NTM: variants seen among roughly 807,000 people sequenced by gnomAD.
The protein encoded by NTM is IgLON family member 2.
NTM carries 13 observed loss-of-function variants against 42.1 expected under a neutral mutation model. The ratio of observed to expected loss-of-function variants is 0.31; its 90% CI spans 0.20 to 0.49. NTM has a LOEUF of 0.49. Ranked by LOEUF, NTM falls within the 20% of genes least tolerant of loss-of-function variation. The pLI, the probability that NTM is intolerant of heterozygous loss-of-function variation, is 0.99. For synonymous variants in NTM, 187 were observed against 179.2 expected, an observed-to-expected ratio of 1.04 and a Z score of -0.35; for missense variants, 373 against 452.8, an observed-to-expected ratio of 0.82 and a Z score of 1.60.
At chr11:131,513,251 C>G (rs914244450) in intron 1 of NTM, among the ~76,000 whole-genome samples, 1 of 152,172 alleles carries the variant, frequency 6.6e-6, no homozygotes, top group Non-Finnish European at 1.5e-5. Context: ...ACAATATAAA[C>G]TATCATTGCT....
chr11:131,963,272 G>T (rs188058253), intron 2 of NTM, among the ~76,000 whole-genome samples: 24 of 152,300 alleles, frequency 1.6e-4, no homozygotes, highest in Admixed American at 4.6e-4. Flanking sequence ...GCAAATGGAG[G>T]CTAGACACTT....
intron 1 of NTM, among the ~76,000 whole-genome samples, chr11:131,860,190 G>A (rs1055330722): frequency 6.6e-6 from 1 of 152,200 alleles, no homozygotes; most frequent in Non-Finnish European, 1.5e-5. Flanking sequence ...CCTTCACTGA[G>A]AGAGGGACTG....
Position 132,212,054 on chromosome 11 carries a change from A to G in NTM, c.433A>G (p.Ile145Val). Reference sequence around the variant, plus strand: ...CAAAATTGTAGAGATTTCTTCAGATATCTCCATTAATGAAGGGAACAATAT... The same window carrying G: ...CAAAATTGTAGAGATTTCTTCAGATGTCTCCATTAATGAAGGGAACAATAT... Reference protein sequence around the residue: ...SPKIVEISSDISINEGNNISL... With the variant: ...SPKIVEISSDVSINEGNNISL... The change falls in exon 4 of 9, where the codon ATC becomes GTC. Residue 145 changes from isoleucine (I) to valine (V), a missense_variant. Ile to Val is a conservative substitution (Grantham distance 29, BLOSUM62 3). Transcript: ENST00000683400. 6.2e-7 allele frequency: 1 copy of G among 1,612,194 alleles called. No individual in the cohort carries two copies. Among genetic ancestry groups the G allele is most frequent in the Non-Finnish European group, 8.5e-7 (1 of 1,178,816 alleles).
intron 4 of NTM, among the ~76,000 whole-genome samples, chr11:132,264,884 C>T (rs569409318): frequency 1.3e-5 from 2 of 152,336 alleles, no homozygotes; most frequent in African/African-American, 4.8e-5. Context: ...GCATGGATGA[C>T]AGCTCAAGTC....
chr11:131,714,814 A>G (rs916462635), intron 1 of NTM, among the ~76,000 whole-genome samples: 1 of 152,060 alleles, frequency 6.6e-6, no homozygotes, highest in Non-Finnish European at 1.5e-5. Flanking sequence ...CCTTCCTCCC[A>G]TTCTACAGAG....
At chr11:131,465,999 C>T (rs1186091395) in intron 1 of NTM, among the ~76,000 whole-genome samples, 1 of 152,226 alleles carries the variant, frequency 6.6e-6, no homozygotes, top group African/African-American at 2.4e-5. Flanking sequence ...TATCACTCTG[C>T]AGGAGTGTCA....
At chr11:132,292,461 T>G (rs1390719001) in intron 4 of NTM, among the ~76,000 whole-genome samples, 1 of 151,804 alleles carries the variant, frequency 6.6e-6, no homozygotes, top group Non-Finnish European at 1.5e-5. Flanking sequence ...GAGGACAGCG[T>G]GGATGGAGGG....
chr11:131,982,411 C>T (rs903718187), intron 2 of NTM, among the ~76,000 whole-genome samples: 4 of 152,038 alleles, frequency 2.6e-5, no homozygotes, highest in Non-Finnish European at 5.9e-5. Context: ...AAAGGGACAG[C>T]GATGGCAGGA....
intron 1 of NTM, among the ~76,000 whole-genome samples, chr11:131,681,816 C>A (rs955853954): frequency 7.5e-6 from 1 of 132,970 alleles, no homozygotes; most frequent in African/African-American, 3.0e-5. Context: ...TGTGTGTGAG[C>A]GTGTGTGTTT....
chr11:131,861,658 A>C (rs952432066), intron 1 of NTM, among the ~76,000 whole-genome samples: 2 of 152,222 alleles, frequency 1.3e-5, no homozygotes, highest in Admixed American at 1.3e-4. Flanking sequence ...CTCATTATAC[A>C]ATTGGAAAAT....
intron 1 of NTM, among the ~76,000 whole-genome samples, chr11:131,617,632 G>A (rs558001628): frequency 6.6e-5 from 10 of 152,278 alleles, no homozygotes; most frequent in African/African-American, 2.4e-4. Flanking sequence ...TGGCTTTAAT[G>A]TGTCCAAGCG....
At chr11:131,673,741 C>T (rs1019553574) in intron 1 of NTM, among the ~76,000 whole-genome samples, 3 of 152,218 alleles carry the variant, frequency 2.0e-5, no homozygotes, top group Non-Finnish European at 1.5e-5. Context: ...CTGTAGACAG[C>T]ATGGCAGCCC....
At chr11:131,842,868 G>C (rs184860061) in intron 1 of NTM, among the ~76,000 whole-genome samples, 1 of 151,896 alleles carries the variant, frequency 6.6e-6, no homozygotes, top group Non-Finnish European at 1.5e-5. Flanking sequence ...AAATTTAGTC[G>C]GGCGTGGTGC....
Position 132,071,167 on chromosome 11 carries a change from A to G in NTM, c.168-75115A>G, listed in dbSNP as rs867081558. On this transcript the variant is annotated intron_variant, in intron 2 of 8. Transcript: ENST00000683400. ...GTCAAGTTAACACGTCAAACTGACC[A>G]TCACAGGTTAGTTAACACGTCACAC... is the stretch of plus-strand genomic sequence containing the variant. 4.3e-4 allele frequency among the ~76,000 whole-genome samples: 57 copies of G among 133,606 alleles called. 1 individual carries two copies. Among genetic ancestry groups the G allele is most frequent in the African/African-American group, 6.4e-4 (24 of 37,736 alleles). The allele number at this position is 133,606 out of a possible 152,430, so 87.7% of individuals were successfully genotyped here. A position where few individuals can be genotyped will look rare whatever the true frequency, so the allele number is the denominator to read the frequency against.
At chr11:132,148,163 T>G (rs917013092) in intron 3 of NTM, among the ~76,000 whole-genome samples, 10 of 152,254 alleles carry the variant, frequency 6.6e-5, no homozygotes, top group African/African-American at 2.2e-4. Flanking sequence ...TATAAATGAA[T>G]ACTTTTTGAA....
chr11:131,854,312 A>T (rs1048312822), intron 1 of NTM, among the ~76,000 whole-genome samples: 1 of 152,214 alleles, frequency 6.6e-6, no homozygotes, highest in African/African-American at 2.4e-5. Context: ...GCTGAATGAA[A>T]AGGTACAGCA....
chr11:131,599,055 C>T (rs1592175534), intron 1 of NTM, among the ~76,000 whole-genome samples: 1 of 151,942 alleles, frequency 6.6e-6, no homozygotes, highest in East Asian at 1.9e-4. Context: ...GCTGGGATTA[C>T]AGGCGTGTGC....
At chr11:132,263,474 G>A (rs962319) in intron 4 of NTM, among the ~76,000 whole-genome samples, 53,417 of 152,052 alleles carry the variant, frequency 0.35, 10,045 homozygotes, top group Middle Eastern at 0.5. Context: ...TCACATCCAC[G>A]CTGACTTCCT....
rs541713231 is a variant in NTM at position 132,167,983 on chromosome 11, G to C, written c.400+21469G>C. Among the ~76,000 whole-genome samples, 5 of 152,318 alleles carry C rather than the reference G, an allele frequency of 3.3e-5. No homozygotes were observed. The East Asian group carries it at 9.6e-4, about 29-fold the overall frequency. On this transcript the variant is annotated intron_variant, in intron 3 of 8. Coordinates refer to ENST00000683400, the MANE Select transcript of NTM (RefSeq NM_001352005.2). Reference sequence around the variant, plus strand: ...AAATTGCTGTAGAGAGTGCAGTGTGGAGAACTATCTAATGAAATTCCGTTT... The same window carrying C: ...AAATTGCTGTAGAGAGTGCAGTGTGCAGAACTATCTAATGAAATTCCGTTT...
Sources: gnomAD v4.1 joint callset for allele counts (sites outside exome capture counted in the v4.1 genomes callset) on GRCh38, gnomAD v4.1.1 for gene constraint, MANE v1.5 for transcripts, NCBI Gene and HGNC (gene_info 2026-07-23, HGNC 2026-07-21) for gene names.